GRB10: variants seen among roughly 807,000 people sequenced by gnomAD.
GRB10 encodes growth factor receptor-bound protein 10.
In GRB10, 20 loss-of-function variants were observed where a neutral mutation model predicts 80.9. The observed-to-expected ratio is 0.25, with a 90% confidence interval of 0.17 to 0.36. GRB10 has a LOEUF of 0.36. GRB10 is among the 10% of genes least tolerant of loss of function. The pLI, the probability that GRB10 is intolerant of heterozygous loss-of-function variation, is 1.00. For synonymous variants in GRB10, 291 were observed against 291.5 expected, an observed-to-expected ratio of 1.00 and a Z score of 0.02; for missense variants, 548 against 747.7, an observed-to-expected ratio of 0.73 and a Z score of 3.12.
Position 50,635,962 on chromosome 7 carries a change from C to CTT in GRB10, c.505-8986_505-8985dup, listed in dbSNP as rs56411780. ...ACAGCTTTTTTTTTTTTTTCCTTTC[C>CTT]TTTTTTTTTTTTTTTTTTTTTTTTT... is the stretch of plus-strand genomic sequence containing the variant. On this transcript the variant is annotated intron_variant, in intron 7 of 18. Coordinates refer to ENST00000401949, the MANE Select transcript of GRB10 (RefSeq NM_001350814.2). Among the ~76,000 whole-genome samples the CTT allele has an allele frequency of 2.3e-3, 160 of 70,996 alleles. 7 individuals are homozygous for CTT. Among genetic ancestry groups the CTT allele is most frequent in the Admixed American group, 4.0e-3 (17 of 4,208 alleles). The allele number at this position is 70,996 out of a possible 152,430, so 46.6% of individuals were successfully genotyped here.
At chr7:50,648,231 C>T (rs1487687078) in intron 7 of GRB10, among the ~76,000 whole-genome samples, 7 of 152,176 alleles carry the variant, frequency 4.6e-5, no homozygotes, top group African/African-American at 1.7e-4. Context: ...AGGGTGGAAA[C>T]CCAGACGGAG....
intron 3 of GRB10, among the ~76,000 whole-genome samples, chr7:50,752,723 A>T (rs2074337289): frequency 6.6e-6 from 1 of 152,216 alleles, no homozygotes; most frequent in Non-Finnish European, 1.5e-5. Flanking sequence ...ACAGGCCAAG[A>T]GCAGGAGAAC....
At chr7:50,684,904 A>G (rs1397237109) in intron 5 of GRB10, among the ~76,000 whole-genome samples, 1 of 152,220 alleles carries the variant, frequency 6.6e-6, no homozygotes, top group African/African-American at 2.4e-5. Context: ...CTATATAAAT[A>G]ACTTGTCATT....
chr7:50,622,732 G>A (rs2052040174), intron 8 of GRB10, among the ~76,000 whole-genome samples: 1 of 151,998 alleles, frequency 6.6e-6, no homozygotes, highest in South Asian at 2.1e-4. Context: ...AGTTCAGGGG[G>A]CATCAAGATA....
chr7:50,626,859 G>A lies in GRB10; in HGVS notation c.624C>T (p.Ser208=). 6.2e-7 allele frequency: 1 copy of A among 1,614,140 alleles called. No homozygotes were observed. Among genetic ancestry groups the A allele is most frequent in the Non-Finnish European group, 8.5e-7 (1 of 1,180,014 alleles). ...VYKSHCVDDN[S]WTLVEHHPHL... is the part of the protein sequence containing the mutation. ...GCGGGTGGTGCTCCACTAGTGTCCA[G>A]CTGTTGTCATCCACACAGTGACTTT... The change falls in exon 8 of 19, where the codon AGC becomes AGT. Residue 208 remains serine, a synonymous_variant. Coordinates refer to ENST00000401949, the MANE Select transcript of GRB10 (RefSeq NM_001350814.2).
intron 15 of GRB10, 94 bp from the exon 16 acceptor site, chr7:50,604,471 G>C (rs2048171309): frequency 5.8e-6 from 6 of 1,040,494 alleles, no homozygotes; most frequent in East Asian, 2.4e-5. Flanking sequence ...ACTGGGTGGG[G>C]TGCCTGACTG....
At chr7:50,632,750 C>T (rs565302335) in intron 7 of GRB10, among the ~76,000 whole-genome samples, 1 of 152,252 alleles carries the variant, frequency 6.6e-6, no homozygotes, top group East Asian at 1.9e-4. Flanking sequence ...GTCTCCAGGG[C>T]TACCTGCTGG....
chr7:50,593,165 G>T, intron 18 of GRB10, 67 bp from the exon 19 acceptor site: 6 of 1,571,278 alleles, frequency 3.8e-6, no homozygotes, highest in Non-Finnish European at 5.3e-6. Flanking sequence ...CGGGGCCCAC[G>T]GCCAGCAGCA....
At chr7:50,776,569 C>G (rs2153711613) in intron 2 of GRB10, among the ~76,000 whole-genome samples, 1 of 152,274 alleles carries the variant, frequency 6.6e-6, no homozygotes, top group East Asian at 1.9e-4. Flanking sequence ...ATTTCTCTCA[C>G]ATTTTACTGT....
At chr7:50,767,606 C>T (rs889804693) in intron 2 of GRB10, among the ~76,000 whole-genome samples, 2 of 152,298 alleles carry the variant, frequency 1.3e-5, no homozygotes, top group South Asian at 2.1e-4. Context: ...GCCCCCATGC[C>T]ATACCCTCCA....
chr7:50,779,818 G>A (rs1410456805), intron 2 of GRB10: 1 of 152,166 alleles, frequency 6.6e-6, no homozygotes, highest in Admixed American at 6.5e-5. Flanking sequence ...TGACTTACAG[G>A]TACCATTTAC....
chr7:50,728,143 A>G (rs1214852377), intron 4 of GRB10, among the ~76,000 whole-genome samples: 1 of 152,046 alleles, frequency 6.6e-6, no homozygotes, highest in African/African-American at 2.4e-5. Context: ...TCAAGGGTTA[A>G]GAGTGGCAGG....
intron 8 of GRB10, among the ~76,000 whole-genome samples, chr7:50,623,353 G>A (rs2052237016): frequency 6.6e-6 from 1 of 152,228 alleles, no homozygotes; most frequent in South Asian, 2.1e-4. Flanking sequence ...ACCTACCAGG[G>A]CAAGGGGCTT....
chr7:50,657,126 T>C (rs1413990238), intron 7 of GRB10, among the ~76,000 whole-genome samples: 1 of 152,216 alleles, frequency 6.6e-6, no homozygotes, highest in Non-Finnish European at 1.5e-5. Context: ...AAAATACTTA[T>C]GAGATGTTAA....
chr7:50,699,959 C>A (rs554433722), intron 5 of GRB10, among the ~76,000 whole-genome samples: 64 of 152,142 alleles, frequency 4.2e-4, no homozygotes, highest in Admixed American at 2.9e-3. Context: ...CATAGTGAAA[C>A]CCTGTCTCTA....
intron 7 of GRB10, among the ~76,000 whole-genome samples, chr7:50,668,743 C>G (rs1204960886): frequency 6.6e-6 from 1 of 152,222 alleles, no homozygotes; most frequent in East Asian, 1.9e-4. Flanking sequence ...GGCTGCAGCC[C>G]ATCCTGGCTC....
At chr7:50,612,648 C>G in intron 13 of GRB10, 93 bp downstream of exon 13, 1 of 803,638 alleles carries the variant, frequency 1.2e-6, no homozygotes, top group South Asian at 1.4e-5. Context: ...GGAAAAGTTA[C>G]GAGCATTTTC....
Position 50,703,846 on chromosome 7 carries a change from C to T in GRB10, c.114G>A (p.Gln38=). 1.9e-6 allele frequency: 3 copies of T among 1,613,380 alleles called. No individual in the cohort carries two copies. The highest frequency in any genetic ancestry group is 3.3e-4 in the Middle Eastern group (2 of 6,058). Residue 38 remains glutamine (Q), a synonymous_variant, in exon 5 of 19, where the codon CAG becomes CAA. Coordinates refer to ENST00000401949, the MANE Select transcript of GRB10 (RefSeq NM_001350814.2). ...CCTGGTGATTCGCAAGTCGGTCAGA[C>T]TGTGCGGGGAGTCCTGGTCCTGCCG... is the stretch of plus-strand genomic sequence containing the variant. ...QDPAGPGLPA[Q]SDRLANHQED... is the part of the protein sequence containing the mutation.
intron 7 of GRB10, among the ~76,000 whole-genome samples, chr7:50,665,998 G>A (rs2059760977): frequency 6.6e-6 from 1 of 152,212 alleles, no homozygotes; most frequent in African/African-American, 2.4e-5. Flanking sequence ...CCTGGCCAAT[G>A]CAGGGTCACG....
Sources: gnomAD v4.1 joint callset for allele counts (sites outside exome capture counted in the v4.1 genomes callset) on GRCh38, gnomAD v4.1.1 for gene constraint, MANE v1.5 for transcripts, NCBI Gene and HGNC (gene_info 2026-07-23, HGNC 2026-07-21) for gene names.